Variants in ANKRD55 observed in about 807,000 individuals in gnomAD.
The protein encoded by ANKRD55 is ankyrin repeat domain-containing protein 55.
In ANKRD55, 41 loss-of-function variants were observed where a neutral mutation model predicts 60.6. The observed-to-expected ratio is 0.68, with a 90% CI of 0.53 to 0.88. The LOEUF (loss-of-function observed/expected upper bound fraction) is 0.88. Ranked by LOEUF, ANKRD55 falls within the 40% of genes least tolerant of loss-of-function variation. ANKRD55 has a pLI of 0.00. For synonymous variants in ANKRD55, 264 were observed against 290.3 expected (o/e 0.91, Z 0.92); for missense variants, 732 against 767.6 (o/e 0.95, Z 0.55).
At chr5:56,199,600 C>A (rs1056854422) in intron 2 of ANKRD55, among the ~76,000 whole-genome samples, 17 of 140,886 alleles carry the variant, frequency 1.2e-4, no homozygotes, top group Non-Finnish European at 2.1e-4. Context: ...AAAAAAAAAA[C>A]TTGGGTGTGG....
intron 6 of ANKRD55, chr5:56,156,808 G>T (rs1758204482): frequency 6.6e-6 from 1 of 152,174 alleles, no homozygotes; most frequent in African/African-American, 2.4e-5. Flanking sequence ...TTCCTCTGAG[G>T]TTTTGCTTTA....
At position 56,159,892 on chromosome 5, in the gene ANKRD55, G is replaced by A; in HGVS notation, c.424C>T (p.Leu142Phe). The A allele has an allele frequency of 2.5e-6, 4 of 1,613,394 alleles. No homozygotes were observed. The highest frequency in any genetic ancestry group is 3.3e-5 in the Admixed American group (2 of 60,020). ...HAATAEPDMRLLTVLLQQSNI... is the reference protein window; with the variant it reads ...HAATAEPDMRFLTVLLQQSNI... ...GACTGTTGCAACAGGACCGTGAGGA[G>A]CCTGTAAGGAAAAAATAGGAGAAAT... The change falls in exon 6 of 12, where the codon CTC becomes TTC. Residue 142 changes from leucine (L) to phenylalanine (F), a missense_variant and splice_region_variant. Physicochemically the swap from Leu to Phe is conservative, Grantham distance 22 (BLOSUM62 0). This residue lies in a region of ANKRD55 where 597 missense variants were observed against 607.5 expected (regional missense o/e 0.98). Transcript: ENST00000341048.
At chr5:56,209,980 A>G (rs972912138) in intron 2 of ANKRD55, among the ~76,000 whole-genome samples, 21 of 152,094 alleles carry the variant, frequency 1.4e-4, no homozygotes, top group African/African-American at 5.1e-4. Context: ...GTGAAAGGAG[A>G]ATAGTGATTA....
chr5:56,109,148 G>C (rs903504501), intron 10 of ANKRD55, among the ~76,000 whole-genome samples: 5 of 151,644 alleles, frequency 3.3e-5, no homozygotes, highest in African/African-American at 7.3e-5. Context: ...GAGAAAAATG[G>C]CTTCAAGAAA....
chr5:56,132,424 C>CAAAAAAAAAAAA (rs34289990), intron 7 of ANKRD55, among the ~76,000 whole-genome samples: 4 of 120,356 alleles, frequency 3.3e-5, no homozygotes, highest in African/African-American at 1.5e-4. Flanking sequence ...ACTTAAAATA[C>CAAAAAAAAAAAA]AAAAAAAAAA....
At chr5:56,221,795 G>A (rs978913733) in intron 2 of ANKRD55, among the ~76,000 whole-genome samples, 1 of 152,238 alleles carries the variant, frequency 6.6e-6, no homozygotes, top group Non-Finnish European at 1.5e-5. Flanking sequence ...GCGAGGCTGG[G>A]GGAAGGGCAT....
At chr5:56,186,519 A>G (rs1398812759) in intron 2 of ANKRD55, among the ~76,000 whole-genome samples, 1 of 152,136 alleles carries the variant, frequency 6.6e-6, no homozygotes, top group African/African-American at 2.4e-5. Flanking sequence ...TACCTCTCTT[A>G]TAAGTTTGTT....
At chr5:56,167,980 C>T (rs1415930520) in intron 5 of ANKRD55, among the ~76,000 whole-genome samples, 1 of 152,172 alleles carries the variant, frequency 6.6e-6, no homozygotes, top group East Asian at 1.9e-4. Flanking sequence ...TTAGTTTACC[C>T]CTTAGGTGCA....
rs113477709 is a variant in ANKRD55 at position 56,217,895 on chromosome 5, CAA to C, written c.58+14959_58+14960del. Among the ~76,000 whole-genome samples, 369 of 76,714 alleles carry C rather than the reference CAA, an allele frequency of 4.8e-3. 3 individuals carry two copies. Among genetic ancestry groups the C allele is most frequent in the African/African-American group, 0.015 (336 of 22,636 alleles). The allele number at this position is 76,714 out of a possible 152,430, so 50.3% of individuals were successfully genotyped here. A position where few individuals can be genotyped will look rare whatever the true frequency, so the allele number is the denominator to read the frequency against. On this transcript the variant is annotated intron_variant, in intron 2 of 11. Transcript: ENST00000341048. Reference sequence around the variant, plus strand: ...TGGGTGACAGAGCGAGACTCCGTCTCAAAAAAAAAAAAAAAAAATTCATGATT... The same window carrying C: ...TGGGTGACAGAGCGAGACTCCGTCTCAAAAAAAAAAAAAAAATTCATGATT...
intron 6 of ANKRD55, among the ~76,000 whole-genome samples, chr5:56,148,470 A>T (rs1245071524): frequency 6.6e-6 from 1 of 152,176 alleles, no homozygotes; most frequent in African/African-American, 2.4e-5. Context: ...GGAAATGTTA[A>T]GTTTTGGTTG....
chr5:56,172,001 C>A (rs900692965), intron 4 of ANKRD55, among the ~76,000 whole-genome samples: 38 of 151,900 alleles, frequency 2.5e-4, no homozygotes, highest in African/African-American at 8.9e-4. Flanking sequence ...TGCCTGTAGT[C>A]CCAGCTACTC....
chr5:56,106,120 T>C (rs554020619), intron 10 of ANKRD55, among the ~76,000 whole-genome samples: 32 of 152,296 alleles, frequency 2.1e-4, no homozygotes, highest in African/African-American at 7.5e-4. Flanking sequence ...GATGTAAGCA[T>C]TGGATAGTGG....
In ANKRD55 at chr5:56,199,687, G is replaced by A. The variant is rs950487997; in HGVS notation, c.59-16053C>T. Among the ~76,000 whole-genome samples the A allele has an allele frequency of 1.0e-4, 15 of 150,446 alleles. No individual in the cohort carries two copies. In the East Asian group the frequency reaches 1.8e-3, roughly 18 times the overall value. ...GGGCGGATCACAAGGTCAGGAGATC[G>A]AGACCATCCTGGCTAACACGGTGAA... On this transcript the variant is annotated intron_variant, in intron 2 of 11. Transcript: ENST00000341048.
At chr5:56,172,728 A>ATT (rs34291279) in intron 4 of ANKRD55, among the ~76,000 whole-genome samples, 2 of 150,322 alleles carry the variant, frequency 1.3e-5, no homozygotes, top group African/African-American at 2.4e-5. Context: ...TGTGATGGGC[A>ATT]TTTTTTTTTT....
rs1757494743 is a variant in ANKRD55, at chr5:56,134,171, C to G, written c.613-7065G>C. Among the ~76,000 whole-genome samples, 2 of 115,674 alleles carry G rather than the reference C, an allele frequency of 1.7e-5. 1 individual carries two copies. The highest frequency in any genetic ancestry group is 1.7e-4 in the Admixed American group (2 of 11,914). The allele number at this position is 115,674 out of a possible 152,430, so 75.9% of individuals were successfully genotyped here. A position where few individuals can be genotyped will look rare whatever the true frequency, so the allele number is the denominator to read the frequency against. ...TGATGAAGAAATACTTTAAACAACTCTATTTTCACAACTTGATAACATATT... is the reference window on the plus strand; with the variant it reads ...TGATGAAGAAATACTTTAAACAACTGTATTTTCACAACTTGATAACATATT... On this transcript the variant is annotated intron_variant, in intron 7 of 11. Transcript: ENST00000341048.
chr5:56,175,680 T>G (rs185497613), intron 4 of ANKRD55, among the ~76,000 whole-genome samples: 207 of 152,242 alleles, frequency 1.4e-3, no homozygotes, highest in Admixed American at 2.9e-3. Flanking sequence ...TTGTCTCCCC[T>G]GTTCTTTATC....
chr5:56,128,980 A>G (rs1056315355), intron 7 of ANKRD55, among the ~76,000 whole-genome samples: 1 of 152,230 alleles, frequency 6.6e-6, no homozygotes, highest in Non-Finnish European at 1.5e-5. Flanking sequence ...TCACCAACTG[A>G]GACCTCCTTT....
chr5:56,110,080 T>C (rs1756631624), intron 10 of ANKRD55, among the ~76,000 whole-genome samples: 1 of 150,868 alleles, frequency 6.6e-6, no homozygotes, highest in Non-Finnish European at 1.5e-5. Flanking sequence ...TCTATATCTA[T>C]CTATCATCTA....
chr5:56,193,837 A>G (rs969232459), intron 2 of ANKRD55, among the ~76,000 whole-genome samples: 6 of 152,244 alleles, frequency 3.9e-5, no homozygotes, highest in Non-Finnish European at 8.8e-5. Context: ...TGATACAGTC[A>G]TATAAAAATA....
Sources: allele counts gnomAD v4.1 joint callset (sites outside exome capture counted in the v4.1 genomes callset), GRCh38; gene constraint gnomAD v4.1.1; regional missense constraint gnomAD v4.1.1; transcripts MANE v1.5; gene names NCBI Gene and HGNC (gene_info 2026-07-23, HGNC 2026-07-21).